The following RNF115 variants were observed in gnomAD, a reference collection of about 807,000 sequenced individuals.
RNF115 encodes the protein E3 ubiquitin-protein ligase RNF115.
Under a neutral mutation model 39.2 loss-of-function variants are expected in RNF115, and 31 were observed. The ratio of observed to expected loss-of-function variants is 0.79; its 90% confidence interval spans 0.59 to 1.07. The LOEUF is 1.07. Ranked by LOEUF, RNF115 falls within the 50% of genes least tolerant of loss-of-function variation. The probability of loss-of-function intolerance (pLI) is 0.00; values close to 1 mark genes in which losing one functional copy is unlikely to be tolerated. For synonymous variants in RNF115, 124 were observed against 131.0 expected (o/e 0.95, Z 0.37); for missense variants, 384 against 381.7 (o/e 1.01, Z -0.05).
chr1:145,774,418 C>T lies in RNF115; in HGVS notation c.220-2499G>A, dbSNP rs587643912. ...AGGCTGGGGTGCAGTGGCACGATCT[C>T]GGCTCACTGCAACCTCCACCTCCTG... On this transcript the variant is annotated intron_variant, in intron 3 of 8. Coordinates refer to ENST00000582693, the MANE Select transcript of RNF115 (RefSeq NM_014455.4). 1.4e-3 allele frequency among the ~76,000 whole-genome samples: 207 copies of T among 151,592 alleles called. 1 individual carries two copies. The highest frequency in any genetic ancestry group is 3.0e-3 in the Admixed American group (46 of 15,216).
intron 7 of RNF115, among the ~76,000 whole-genome samples, chr1:145,749,195 T>G (rs1657989678): frequency 6.7e-6 from 1 of 148,684 alleles, no homozygotes; most frequent in Non-Finnish European, 1.5e-5. Context: ...TACTACTACT[T>G]AATAGATTCA....
At chr1:145,804,755 A>C (rs1387033058) in intron 1 of RNF115, among the ~76,000 whole-genome samples, 1 of 152,232 alleles carries the variant, frequency 6.6e-6, no homozygotes, top group African/African-American at 2.4e-5. Context: ...AAAAGCCTGA[A>C]CTAAATATCA....
rs1321771512 is a variant in RNF115 at position 145,740,901 on chromosome 1, A to G, written c.*5965T>C. On this transcript the variant is annotated 3_prime_UTR_variant, in exon 9 of 9. Transcript: ENST00000582693. ...CTGTTGCCCTGGAGTGCAGTGGCAC[A>G]ATCTTGGCTCACTACAACCTCTGCC... 1 of 152,334 alleles carries G rather than the reference A, an allele frequency of 6.6e-6. No individual in the cohort carries two copies. Among genetic ancestry groups the G allele is most frequent in the Non-Finnish European group, 1.5e-5 (1 of 68,034 alleles). 9.4% of individuals were successfully genotyped at this position (152,334 alleles called of 1,614,324 possible).
chr1:145,802,686 G>A (rs587635473), intron 1 of RNF115, among the ~76,000 whole-genome samples: 68 of 152,188 alleles, frequency 4.5e-4, no homozygotes, highest in African/African-American at 1.6e-3. Flanking sequence ...TCAAAAAAAA[G>A]AAGCCCATTT....
At position 145,743,799 on chromosome 1, in the gene RNF115, T is replaced by A. The variant is rs1217754825; in HGVS notation, c.*3067A>T. 89 of 39,284 alleles carry A rather than the reference T, an allele frequency of 2.3e-3. No individual in the cohort carries two copies. The highest frequency in any genetic ancestry group is 4.2e-3 in the Admixed American group (10 of 2,362). 2.4% of individuals were successfully genotyped at this position (39,284 alleles called of 1,614,324 possible). A position where few individuals can be genotyped will look rare whatever the true frequency, so the allele number is the denominator to read the frequency against. On this transcript the variant is annotated 3_prime_UTR_variant, in exon 9 of 9. Coordinates refer to ENST00000582693, the MANE Select transcript of RNF115 (RefSeq NM_014455.4). ...CCATCTCAAAAAATAAATAAATAAATAAATAAATAAATAAATAATAATAAT... is the reference window on the plus strand; with the variant it reads ...CCATCTCAAAAAATAAATAAATAAAAAAATAAATAAATAAATAATAATAAT...
At chr1:145,776,548 AG>A (rs1342528218) in intron 3 of RNF115, among the ~76,000 whole-genome samples, 1 of 152,112 alleles carries the variant, frequency 6.6e-6, no homozygotes, top group Non-Finnish European at 1.5e-5. Flanking sequence ...AACATCAATT[AG>A]ATTTCTCAGC....
intron 1 of RNF115, among the ~76,000 whole-genome samples, chr1:145,819,856 G>A (rs1253765166): frequency 9.2e-5 from 14 of 152,270 alleles, no homozygotes; most frequent in Admixed American, 1.3e-4. Context: ...CGGCCAACAC[G>A]GGGAAACCCC....
intron 3 of RNF115, among the ~76,000 whole-genome samples, chr1:145,779,244 A>G (rs1553716969): frequency 6.6e-6 from 1 of 151,306 alleles, no homozygotes; most frequent in Non-Finnish European, 1.5e-5. Flanking sequence ...GCACGAGCTC[A>G]GCTCACTGCA....
At position 145,778,671 on chromosome 1, in the gene RNF115, T is replaced by C. The variant is rs1033667680; in HGVS notation, c.219+5868A>G. On this transcript the variant is annotated intron_variant, in intron 3 of 8. Transcript: ENST00000582693. Reference sequence around the variant, plus strand: ...GTTTCCTCGTGTGCCTTTGTAATCCTTCCCTCCTGCCCCTTCCCATCCCCA... The same window carrying C: ...GTTTCCTCGTGTGCCTTTGTAATCCCTCCCTCCTGCCCCTTCCCATCCCCA... Among the ~76,000 whole-genome samples, 3 of 152,264 alleles carry C rather than the reference T, an allele frequency of 2.0e-5. No individual in the cohort carries two copies. The East Asian group carries it at 5.8e-4, about 29-fold the overall frequency.
At chr1:145,810,646 TTAAAA>T (rs1298523356) in intron 1 of RNF115, among the ~76,000 whole-genome samples, 1 of 140,614 alleles carries the variant, frequency 7.1e-6, no homozygotes, top group African/African-American at 2.7e-5. Flanking sequence ...GCCCCGGGAC[TTAAAA>T]TAAAAGTTGC....
intron 1 of RNF115, among the ~76,000 whole-genome samples, chr1:145,808,020 C>T (rs965941134): frequency 1.3e-5 from 2 of 151,058 alleles, no homozygotes; most frequent in African/African-American, 4.9e-5. Flanking sequence ...AATGGCACGA[C>T]TTGATTCTTT....
intron 3 of RNF115, among the ~76,000 whole-genome samples, chr1:145,775,737 A>G (rs1174873745): frequency 6.6e-6 from 1 of 152,058 alleles, no homozygotes; most frequent in East Asian, 1.9e-4. Context: ...TCAAGCCTAT[A>G]ATCCCAGCCC....
At chr1:145,766,809 G>A (rs1647315411) in intron 4 of RNF115, among the ~76,000 whole-genome samples, 1 of 38,150 alleles carries the variant, frequency 2.6e-5, no homozygotes, top group Admixed American at 2.8e-4. Context: ...GGGGGGGGGG[G>A]GCTGACCCCC....
At chr1:145,803,137 G>C (rs903997846) in intron 1 of RNF115, among the ~76,000 whole-genome samples, 2 of 152,176 alleles carry the variant, frequency 1.3e-5, no homozygotes, top group Non-Finnish European at 2.9e-5. Context: ...GAAAGAGAAA[G>C]TTTCCAGTCT....
At chr1:145,811,974 GATTTC>G (rs1649746817) in intron 1 of RNF115, among the ~76,000 whole-genome samples, 1 of 131,446 alleles carries the variant, frequency 7.6e-6, no homozygotes, top group African/African-American at 2.7e-5. Context: ...ATTACCTGTG[GATTTC>G]ATTTCACTAA....
At chr1:145,756,198 C>A (rs1036480141) in intron 4 of RNF115, among the ~76,000 whole-genome samples, 1 of 152,118 alleles carries the variant, frequency 6.6e-6, no homozygotes, top group Admixed American at 6.6e-5. Context: ...CGGTAGCTCA[C>A]GCCTATAATC....
At position 145,801,533 on chromosome 1, in the gene RNF115, C is replaced by CA. The variant is rs1378209189; in HGVS notation, c.103-12568dup. ...TGAGTGAAAGAGTGAGACTCCATGT[C>CA]AAAAAAAAAGAAAGAAAGAAAGAAA... is the stretch of plus-strand genomic sequence containing the variant. On this transcript the variant is annotated intron_variant, in intron 1 of 8. Transcript: ENST00000582693. Among the ~76,000 whole-genome samples, 80 of 148,162 alleles carry CA rather than the reference C, an allele frequency of 5.4e-4. 3 individuals are homozygous for CA. The South Asian group carries it at 0.015, about 27-fold the overall frequency.
At chr1:145,761,774 T>TC (rs1366197531) in intron 4 of RNF115, among the ~76,000 whole-genome samples, 2 of 152,172 alleles carry the variant, frequency 1.3e-5, no homozygotes, top group Non-Finnish European at 2.9e-5. Flanking sequence ...GCCACCATCT[T>TC]CCAGATCCCA....
At chr1:145,758,118 T>G (rs587743505) in intron 4 of RNF115, among the ~76,000 whole-genome samples, 2 of 152,300 alleles carry the variant, frequency 1.3e-5, no homozygotes, top group South Asian at 4.2e-4. Flanking sequence ...GTAGGCTAGA[T>G]TTAGTGATTC....
Sources: allele counts gnomAD v4.1 joint callset (sites outside exome capture counted in the v4.1 genomes callset), GRCh38; gene constraint gnomAD v4.1.1; transcripts MANE v1.5; gene names NCBI Gene and HGNC (gene_info 2026-07-23, HGNC 2026-07-21).